The following NKAIN2 variants were observed in gnomAD, a reference collection of about 807,000 sequenced individuals.
NKAIN2 encodes the protein sodium/potassium transporting ATPase interacting 2, also known as sodium/potassium-transporting ATPase subunit beta-1-interacting protein 2.
In NKAIN2, 14 loss-of-function variants were observed where a neutral mutation model predicts 32.6. The ratio of observed to expected loss-of-function variants is 0.43; its 90% CI spans 0.28 to 0.67. The LOEUF is 0.67. Ranked by LOEUF, NKAIN2 falls within the 30% of genes least tolerant of loss-of-function variation. NKAIN2 has a pLI of 0.17. For synonymous variants in NKAIN2, 80 were observed against 87.2 expected (o/e 0.92, Z 0.46); for missense variants, 198 against 258.3 (o/e 0.77, Z 1.60).
At position 124,436,905 on chromosome 6, in the gene NKAIN2, G is replaced by A. The variant is rs532798596; in HGVS notation, c.273+81558G>A. 2.6e-5 allele frequency among the ~76,000 whole-genome samples: 4 copies of A among 152,206 alleles called. No homozygotes were observed. The East Asian group carries it at 7.7e-4, about 29-fold the overall frequency. On this transcript the variant is annotated intron_variant, in intron 3 of 6. Transcript: ENST00000368417. ...TGACTATACGGTTCTCCATGAGCTG[G>A]AGCTGCCTCCTCTCCCCATCACCTT...
chr6:123,869,647 C>T (rs1472556858), intron 1 of NKAIN2, among the ~76,000 whole-genome samples: 1 of 152,140 alleles, frequency 6.6e-6, no homozygotes, highest in Non-Finnish European at 1.5e-5. Flanking sequence ...CTGTAAATAG[C>T]AGTGCTTTCT....
At chr6:124,733,006 CA>C (rs564522910) in intron 4 of NKAIN2, among the ~76,000 whole-genome samples, 2 of 151,358 alleles carry the variant, frequency 1.3e-5, no homozygotes, top group East Asian at 1.9e-4. Flanking sequence ...AGGAAATGAA[CA>C]AAAAAAAGTG....
intron 3 of NKAIN2, among the ~76,000 whole-genome samples, chr6:124,619,241 C>T (rs538896058): frequency 2.0e-5 from 3 of 152,156 alleles, no homozygotes; most frequent in African/African-American, 7.2e-5. Flanking sequence ...AGATGCTCAG[C>T]CTATGTCATG....
At chr6:124,328,531 G>A (rs984946228) in intron 2 of NKAIN2, among the ~76,000 whole-genome samples, 9 of 152,156 alleles carry the variant, frequency 5.9e-5, no homozygotes, top group African/African-American at 2.2e-4. Context: ...CTCTGAGATG[G>A]AGATTTACAT....
In NKAIN2 at chr6:124,713,639, A is replaced by G. The variant is rs551817530; in HGVS notation, c.474+55253A>G. ...GAGAAAGGTTTTAGAGCCATTGTGC[A>G]TAAAAAATCAGAGCTTTGAGCAAAC... On this transcript the variant is annotated intron_variant, in intron 4 of 6. Transcript: ENST00000368417. Among the ~76,000 whole-genome samples the G allele has an allele frequency of 6.0e-4, 91 of 152,320 alleles. 2 individuals are homozygous for G. The South Asian group carries it at 0.012, about 20-fold the overall frequency.
chr6:124,249,798 A>G (rs1793609170), intron 1 of NKAIN2, among the ~76,000 whole-genome samples: 1 of 152,120 alleles, frequency 6.6e-6, no homozygotes, highest in South Asian at 2.1e-4. Context: ...AACAGAAGTT[A>G]AAACTTAGAG....
At chr6:123,923,536 C>T (rs1485163532) in intron 1 of NKAIN2, among the ~76,000 whole-genome samples, 1 of 151,664 alleles carries the variant, frequency 6.6e-6, no homozygotes, top group African/African-American at 2.4e-5. Flanking sequence ...GACTTGGAAC[C>T]AACCCAAATG....
Position 124,631,676 on chromosome 6 carries a change from C to CTCTT in NKAIN2, c.274-26508_274-26505dup, listed in dbSNP as rs1783573385. Among the ~76,000 whole-genome samples the CTCTT allele has an allele frequency of 3.3e-5, 5 of 152,254 alleles. No homozygotes were observed. In the South Asian group the frequency reaches 8.3e-4, roughly 25 times the overall value. On this transcript the variant is annotated intron_variant, in intron 3 of 6. Transcript: ENST00000368417. ...CGTCCAGATAAAGTCCTCAGCTTGA[C>CTCTT]TCTTTGGCAAACTCCCAGGAGTTAA...
intron 3 of NKAIN2, among the ~76,000 whole-genome samples, chr6:124,451,494 A>T (rs1221147021): frequency 1.3e-5 from 2 of 152,144 alleles, no homozygotes; most frequent in African/African-American, 4.8e-5. Flanking sequence ...GATCTGGAGT[A>T]TTGTTTGCAT....
chr6:123,846,844 G>GCACACACA (rs34106417), intron 1 of NKAIN2, among the ~76,000 whole-genome samples: 10 of 150,620 alleles, frequency 6.6e-5, no homozygotes, highest in South Asian at 2.1e-4. Context: ...ACGCACGCGC[G>GCACACACA]CACACACACA....
chr6:124,016,424 G>A (rs1291540668), intron 1 of NKAIN2, among the ~76,000 whole-genome samples: 1 of 152,142 alleles, frequency 6.6e-6, no homozygotes, highest in Non-Finnish European at 1.5e-5. Flanking sequence ...TTCTCCAAAA[G>A]CAGTGATCAG....
chr6:124,400,188 A>G (rs1773565425), intron 3 of NKAIN2, among the ~76,000 whole-genome samples: 1 of 152,194 alleles, frequency 6.6e-6, no homozygotes, highest in Admixed American at 6.5e-5. Context: ...ATCTTTAAAA[A>G]TGCCTGGGCC....
intron 4 of NKAIN2, among the ~76,000 whole-genome samples, chr6:124,706,195 A>C (rs534928809): frequency 2.0e-5 from 3 of 152,132 alleles, no homozygotes; most frequent in Non-Finnish European, 4.4e-5. Context: ...AATAATAATA[A>C]TACTCAACAA....
chr6:124,818,680 T>C (rs1027510654), intron 6 of NKAIN2, among the ~76,000 whole-genome samples: 5 of 152,252 alleles, frequency 3.3e-5, no homozygotes, highest in African/African-American at 1.2e-4. Context: ...TCTAAAGTTA[T>C]ATTTAGTCTT....
chr6:124,416,149 G>C (rs549415744), intron 3 of NKAIN2, among the ~76,000 whole-genome samples: 2 of 152,164 alleles, frequency 1.3e-5, no homozygotes, highest in Non-Finnish European at 2.9e-5. Context: ...AAGGCCAAGA[G>C]AAGAGGTGAC....
intron 2 of NKAIN2, among the ~76,000 whole-genome samples, chr6:124,286,048 A>G (rs1795523485): frequency 6.6e-6 from 1 of 152,154 alleles, no homozygotes; most frequent in African/African-American, 2.4e-5. Flanking sequence ...TTGACATAAA[A>G]TATAAAATAA....
At chr6:124,357,437 G>T (rs1799038704) in intron 3 of NKAIN2, among the ~76,000 whole-genome samples, 1 of 151,940 alleles carries the variant, frequency 6.6e-6, no homozygotes, top group Admixed American at 6.6e-5. Context: ...ATGGAAAAAT[G>T]TACAGAAAGA....
Position 124,566,402 on chromosome 6 carries a change from T to C in NKAIN2, c.274-91784T>C, listed in dbSNP as rs568169191. ...GAGTAGAGGTGATGTCTTATTCCAC[T>C]TCACATTCAACGGTGAGTGGCAGGT... On this transcript the variant is annotated intron_variant, in intron 3 of 6. Transcript: ENST00000368417. Among the ~76,000 whole-genome samples, 3 of 152,252 alleles carry C rather than the reference T, an allele frequency of 2.0e-5. No homozygotes were observed. In the East Asian group the frequency reaches 5.8e-4, roughly 29 times the overall value.
chr6:123,997,653 G>C (rs1272032129), intron 1 of NKAIN2, among the ~76,000 whole-genome samples: 3 of 144,986 alleles, frequency 2.1e-5, no homozygotes, highest in Non-Finnish European at 4.5e-5. Context: ...GCCCAGGCTG[G>C]AGTGCAGTGG....
Sources: gnomAD v4.1 joint callset for allele counts (sites outside exome capture counted in the v4.1 genomes callset) on GRCh38, gnomAD v4.1.1 for gene constraint, MANE v1.5 for transcripts, NCBI Gene and HGNC (gene_info 2026-07-23, HGNC 2026-07-21) for gene names.